Variants in SEMA3A observed in about 807,000 individuals in gnomAD.
SEMA3A encodes the protein semaphorin-3A.
Under a neutral mutation model 97.9 loss-of-function variants are expected in SEMA3A, and 29 were observed. That is an observed-to-expected ratio of 0.30 (90% CI 0.22 to 0.40). SEMA3A has a LOEUF of 0.40. Among genes scored for constraint, SEMA3A ranks in the 10% least tolerant of loss-of-function variants. SEMA3A has a pLI of 1.00. For missense variants in SEMA3A, 763 were observed against 951.3 expected, an observed-to-expected ratio of 0.80 and a Z score of 2.60; for synonymous variants, 321 against 323.7, an observed-to-expected ratio of 0.99 and a Z score of 0.09.
At chr7:84,040,274 C>T (rs1228192623) in intron 6 of SEMA3A, among the ~76,000 whole-genome samples, 1 of 148,088 alleles carries the variant, frequency 6.8e-6, no homozygotes, top group Non-Finnish European at 1.5e-5. Flanking sequence ...AATTCAATGG[C>T]ATTGCTTCCC....
chr7:84,225,017 G>A lies in SEMA3A; in HGVS notation c.-82-30349C>T, dbSNP rs990100810. On this transcript the variant is annotated intron_variant, in intron 3 of 3. Transcript: ENST00000424555. ...GAAGGAGCAAAGTTGAGGAAGAAAT[G>A]AATTACAAAGTATAGAATGAGAATA... Among the ~76,000 whole-genome samples the A allele has an allele frequency of 2.0e-5, 3 of 152,150 alleles. No homozygotes were observed. In the South Asian group the frequency reaches 6.2e-4, roughly 32 times the overall value.
At chr7:84,196,397 G>T (rs930411023), upstream of SEMA3A, among the ~76,000 whole-genome samples, 17 of 147,902 alleles carry the variant, frequency 1.1e-4, no homozygotes, top group African/African-American at 4.3e-4. Context: ...CTCCCTCTCT[G>T]CCGTTGGATG....
intron 3 of SEMA3A, among the ~76,000 whole-genome samples, chr7:84,233,835 T>C (rs6964607): frequency 0.71 from 107,364 of 151,834 alleles, 38,184 homozygotes; most frequent in East Asian, 0.79. Flanking sequence ...CATGCAAAGA[T>C]GTAGCAGTGC....
chr7:84,437,521 A>G (rs1805166393), intron 1 of SEMA3A, among the ~76,000 whole-genome samples: 1 of 151,338 alleles, frequency 6.6e-6, no homozygotes, highest in Non-Finnish European at 1.5e-5. Flanking sequence ...ATTTAATTTA[A>G]AACATAATCT....
chr7:84,078,360 T>C (rs1258038607), intron 4 of SEMA3A, among the ~76,000 whole-genome samples: 3 of 152,100 alleles, frequency 2.0e-5, no homozygotes, highest in African/African-American at 7.2e-5. Context: ...TTACTCCCTA[T>C]TATTTTGCAT....
At position 84,240,219 on chromosome 7, in the gene SEMA3A, T is replaced by C. The variant is rs76098285; in HGVS notation, c.-82-45551A>G. Among the ~76,000 whole-genome samples, 63 of 152,274 alleles carry C rather than the reference T, an allele frequency of 4.1e-4. 2 individuals carry two copies. The East Asian group carries it at 0.012, about 28-fold the overall frequency. The stretch of plus-strand genomic sequence containing the variant: ...AATACATAAGCAAATATTTAACTTG[T>C]TATGCATAATTTTTAAAAAAAGATT... On this transcript the variant is annotated intron_variant, in intron 3 of 3. Transcript: ENST00000424555.
intron 2 of SEMA3A, among the ~76,000 whole-genome samples, chr7:84,371,384 T>C (rs2116102546): frequency 6.6e-6 from 1 of 151,982 alleles, no homozygotes; most frequent in African/African-American, 2.4e-5. Context: ...GCAATTATCT[T>C]TAGTTTCCAC....
At chr7:84,034,597 GTA>G (rs1405427004) in intron 6 of SEMA3A, among the ~76,000 whole-genome samples, 1 of 152,034 alleles carries the variant, frequency 6.6e-6, no homozygotes, top group Non-Finnish European at 1.5e-5. Context: ...ATTTACTTCT[GTA>G]AGACTGCCAA....
chr7:84,172,876 C>G (rs1343904806), intron 1 of SEMA3A, among the ~76,000 whole-genome samples: 1 of 152,120 alleles, frequency 6.6e-6, no homozygotes, highest in East Asian at 1.9e-4. Context: ...TATTGAAGTT[C>G]TAGAAAAAAC....
intron 1 of SEMA3A, among the ~76,000 whole-genome samples, chr7:84,151,571 C>T (rs1274247190): frequency 1.3e-5 from 2 of 151,970 alleles, no homozygotes; most frequent in Non-Finnish European, 2.9e-5. Flanking sequence ...GCAAAGCCTC[C>T]AAGAAATATG....
chr7:84,002,087 T>G lies in SEMA3A; in HGVS notation c.1361-41A>C. ...GGGAGAAGACCACAAGTTAAGTAGA[T>G]CTGAACAGAGATTAGTGTTAATGAA... is the stretch of plus-strand genomic sequence containing the variant. On this transcript the variant is annotated intron_variant, in intron 11 of 16. Coordinates refer to ENST00000265362, the MANE Select transcript of SEMA3A (RefSeq NM_006080.3). 3.5e-6 allele frequency: 4 copies of G among 1,157,252 alleles called. No individual in the cohort carries two copies. The Middle Eastern group carries it at 7.7e-4, about 223-fold the overall frequency. 71.7% of individuals were successfully genotyped at this position (1,157,252 alleles called of 1,614,324 possible).
At chr7:84,038,383 TACAC>T (rs1333867497) in intron 6 of SEMA3A, among the ~76,000 whole-genome samples, 3 of 152,206 alleles carry the variant, frequency 2.0e-5, no homozygotes, top group African/African-American at 7.2e-5. Flanking sequence ...TTAAAATTCT[TACAC>T]AATATTAAGA....
intron 6 of SEMA3A, among the ~76,000 whole-genome samples, chr7:84,032,090 G>A (rs757991499): frequency 6.6e-6 from 1 of 152,122 alleles, no homozygotes. Flanking sequence ...GCAAAATGGA[G>A]GTTTGTTTTG....
chr7:83,979,152 G>A (rs76479839), intron 14 of SEMA3A, among the ~76,000 whole-genome samples: 1 of 120,212 alleles, frequency 8.3e-6, no homozygotes, highest in Non-Finnish European at 1.7e-5. Context: ...TTTTTTTTTC[G>A]AGACAGAGTC....
At chr7:84,272,172 A>T (rs1800168406) in intron 3 of SEMA3A, among the ~76,000 whole-genome samples, 1 of 152,050 alleles carries the variant, frequency 6.6e-6, no homozygotes, top group Non-Finnish European at 1.5e-5. Context: ...CAATAGGGTC[A>T]TTATAATTAA....
At chr7:84,324,713 C>T (rs1231033145) in intron 2 of SEMA3A, among the ~76,000 whole-genome samples, 1 of 151,928 alleles carries the variant, frequency 6.6e-6, no homozygotes, top group Non-Finnish European at 1.5e-5. Context: ...AGCACATGGT[C>T]TTAAAAATCA....
intron 4 of SEMA3A, among the ~76,000 whole-genome samples, chr7:84,063,703 A>G (rs1233674185): frequency 6.6e-6 from 1 of 151,012 alleles, no homozygotes; most frequent in Non-Finnish European, 1.5e-5. Flanking sequence ...ATAAAGCGAG[A>G]AGGGAAGTTT....
At chr7:83,989,345 T>C (rs1427831242) in intron 12 of SEMA3A, among the ~76,000 whole-genome samples, 2 of 152,070 alleles carry the variant, frequency 1.3e-5, no homozygotes, top group African/African-American at 4.8e-5. Context: ...CTTTTAAGTT[T>C]TAGGGTACAT....
intron 6 of SEMA3A, among the ~76,000 whole-genome samples, chr7:84,023,251 C>A (rs1791392333): frequency 6.6e-6 from 1 of 152,194 alleles, no homozygotes; most frequent in South Asian, 2.1e-4. Flanking sequence ...ATAATGAATG[C>A]ATTTTGCTGC....
Sources: allele counts gnomAD v4.1 joint callset (sites outside exome capture counted in the v4.1 genomes callset), GRCh38; gene constraint gnomAD v4.1.1; transcripts MANE v1.5; gene names NCBI Gene and HGNC (gene_info 2026-07-23, HGNC 2026-07-21).